APBA2: variants seen among roughly 807,000 people sequenced by gnomAD.
The protein encoded by APBA2 is amyloid beta precursor protein binding family A member 2.
In APBA2, 30 loss-of-function variants were observed where a neutral mutation model predicts 75.0. That is an observed-to-expected ratio of 0.40 (90% CI 0.30 to 0.54). The LOEUF is 0.54. APBA2 is among the 20% of genes least tolerant of loss of function. APBA2 has a pLI of 0.49. For synonymous variants in APBA2, 444 were observed against 409.6 expected (o/e 1.08, Z -1.01); for missense variants, 801 against 1,016.1 (o/e 0.79, Z 2.88).
intron 3 of APBA2, among the ~76,000 whole-genome samples, chr15:29,006,204 C>T (rs1038671116): frequency 2.6e-5 from 4 of 152,288 alleles, no homozygotes; most frequent in Middle Eastern, 3.4e-3. Context: ...AGACTTCACA[C>T]GAAACACACA....
At chr15:29,020,128 T>C (rs929145719) in intron 3 of APBA2, among the ~76,000 whole-genome samples, 1 of 152,258 alleles carries the variant, frequency 6.6e-6, no homozygotes, top group Non-Finnish European at 1.5e-5. Context: ...TATTCGTCTT[T>C]TTCTTATTGA....
intron 2 of APBA2, among the ~76,000 whole-genome samples, chr15:28,971,393 C>T (rs1208829531): frequency 6.6e-6 from 1 of 152,096 alleles, no homozygotes. Context: ...CTGTTTCCAC[C>T]CAAGACCAGG....
At chr15:29,005,306 CG>C (rs2039057491) in intron 3 of APBA2, among the ~76,000 whole-genome samples, 2 of 151,930 alleles carry the variant, frequency 1.3e-5, no homozygotes, top group South Asian at 4.2e-4. Context: ...TGTTGCCTAG[CG>C]TGGAGTGCAG....
At chr15:28,934,415 C>G (rs1290075381) in intron 2 of APBA2, among the ~76,000 whole-genome samples, 4 of 152,100 alleles carry the variant, frequency 2.6e-5, no homozygotes, top group Non-Finnish European at 1.5e-5. Flanking sequence ...ACCTTGTTGT[C>G]AAGGTCTGGC....
intron 2 of APBA2, among the ~76,000 whole-genome samples, chr15:28,952,378 A>C (rs2035937171): frequency 1.3e-5 from 2 of 152,094 alleles, no homozygotes; most frequent in South Asian, 4.2e-4. Flanking sequence ...AAAAAATTAA[A>C]AAAAAAAGCC....
At chr15:28,920,447 G>A (rs72714164) in intron 1 of APBA2, among the ~76,000 whole-genome samples, 12,431 of 152,270 alleles carry the variant, frequency 0.082, 518 homozygotes, top group South Asian at 0.097. Context: ...GCCTCCCTGG[G>A]CCCCATTAGA....
chr15:29,112,518 G>A (rs373148220), intron 13 of APBA2, among the ~76,000 whole-genome samples: 3 of 152,092 alleles, frequency 2.0e-5, no homozygotes, highest in African/African-American at 7.2e-5. Context: ...CAGGCCACTC[G>A]CCTCCTCCCA....
chr15:28,931,360 G>A (rs2034554480), intron 2 of APBA2, among the ~76,000 whole-genome samples: 1 of 152,176 alleles, frequency 6.6e-6, no homozygotes, highest in Non-Finnish European at 1.5e-5. Flanking sequence ...GGGAATGGGA[G>A]GCCACAAGGA....
At chr15:29,024,774 A>G (rs952269823) in intron 3 of APBA2, among the ~76,000 whole-genome samples, 5 of 152,150 alleles carry the variant, frequency 3.3e-5, no homozygotes, top group African/African-American at 1.2e-4. Context: ...CTGCTGGGGT[A>G]GCTCTGCCTG....
intron 1 of APBA2, among the ~76,000 whole-genome samples, chr15:28,907,700 T>C (rs1346987584): frequency 3.3e-5 from 5 of 152,070 alleles, no homozygotes; most frequent in East Asian, 1.9e-4. Context: ...CGTCCCATCA[T>C]AGATATGACT....
intron 3 of APBA2, among the ~76,000 whole-genome samples, chr15:29,024,106 GTTAGC>G: frequency 6.6e-6 from 1 of 151,800 alleles, no homozygotes; most frequent in East Asian, 2.0e-4. Flanking sequence ...GTTTCACCAT[GTTAGC>G]CAGGCTGGTC....
chr15:29,116,489 G>T (rs1361710269), intron 14 of APBA2, among the ~76,000 whole-genome samples: 1 of 151,982 alleles, frequency 6.6e-6, no homozygotes, highest in Non-Finnish European at 1.5e-5. Flanking sequence ...TTCGCTGGGT[G>T]TGGTGGCGGG....
At chr15:29,094,193 G>T in intron 7 of APBA2, 85 bp from the exon 8 acceptor site, 1 of 1,441,174 alleles carries the variant, frequency 6.9e-7, no homozygotes, top group East Asian at 2.3e-5. Context: ...GAGAGTGGGG[G>T]CATCAACCAC....
chr15:28,915,606 C>CA (rs1305697569), intron 1 of APBA2, among the ~76,000 whole-genome samples: 2 of 151,148 alleles, frequency 1.3e-5, no homozygotes, highest in African/African-American at 4.9e-5. Flanking sequence ...GCATTCCACA[C>CA]AGACATCTTA....
rs1366979360 is a variant in APBA2, at chr15:29,118,289, C to CTAAT, written c.*1157_*1160dup. The CTAAT allele has an allele frequency of 1.3e-5, 2 of 152,468 alleles. No individual in the cohort carries two copies. The highest frequency in any genetic ancestry group is 1.3e-4 in the Admixed American group (2 of 15,284). The allele number at this position is 152,468 out of a possible 1,614,324, so 9.4% of individuals were successfully genotyped here. On this transcript the variant is annotated 3_prime_UTR_variant, in exon 15 of 15. Transcript: ENST00000683413. Reference sequence around the variant, plus strand: ...CCGTAGGAAGACTTCGCGCATATCACTAATAAACCTGAAGTCGTGATGAAA... The same window carrying CTAAT: ...CCGTAGGAAGACTTCGCGCATATCACTAATTAATAAACCTGAAGTCGTGATGAAA...
In APBA2 at chr15:29,090,379, G is replaced by A. The variant is rs1436382304; in HGVS notation, c.1070-2696G>A. On this transcript the variant is annotated intron_variant, in intron 6 of 14. Coordinates refer to ENST00000683413, the MANE Select transcript of APBA2 (RefSeq NM_001353788.2). ...CTCACTTCAGGGGGAGACGAGGCCA[G>A]TCTTTCCCAAATCTACTCAAGGACA... Among the ~76,000 whole-genome samples the A allele has an allele frequency of 2.0e-5, 3 of 152,236 alleles. No homozygotes were observed. In the East Asian group the frequency reaches 5.8e-4, roughly 29 times the overall value.
chr15:28,972,812 T>C (rs1488662878), intron 2 of APBA2, among the ~76,000 whole-genome samples: 1 of 152,196 alleles, frequency 6.6e-6, no homozygotes, highest in African/African-American at 2.4e-5. Context: ...TGAAAGTCCG[T>C]CTGCTTTTTA....
At chr15:29,108,240 G>A in intron 12 of APBA2, 30 bp from the exon 13 acceptor site, 1 of 1,613,212 alleles carries the variant, frequency 6.2e-7, no homozygotes, top group Non-Finnish European at 8.5e-7. Flanking sequence ...CTAAGGCCCA[G>A]CCTGTGACTC....
chr15:28,996,366 A>G (rs983865519), intron 3 of APBA2, among the ~76,000 whole-genome samples: 1 of 152,032 alleles, frequency 6.6e-6, no homozygotes, highest in Non-Finnish European at 1.5e-5. Context: ...CCAGGGATGG[A>G]GCGTGGTCCA....
Sources: gnomAD v4.1 joint callset for allele counts (sites outside exome capture counted in the v4.1 genomes callset) on GRCh38, gnomAD v4.1.1 for gene constraint, MANE v1.5 for transcripts, NCBI Gene and HGNC (gene_info 2026-07-23, HGNC 2026-07-21) for gene names.